Variants in MARCHF11 observed in about 807,000 individuals in gnomAD.
MARCHF11 encodes the protein E3 ubiquitin-protein ligase MARCHF11.
In MARCHF11, 29 loss-of-function variants were observed where a neutral mutation model predicts 37.3. The observed-to-expected ratio is 0.78, with a 90% CI of 0.58 to 1.06. The LOEUF (loss-of-function observed/expected upper bound fraction) is 1.06. Ranked by LOEUF, MARCHF11 falls within the 50% of genes least tolerant of loss-of-function variation. MARCHF11 has a pLI of 0.00. For missense variants in MARCHF11, 482 were observed against 533.4 expected, an observed-to-expected ratio of 0.90 and a Z score of 0.95; for synonymous variants, 233 against 228.0, an observed-to-expected ratio of 1.02 and a Z score of -0.20.
At chr5:16,074,148 C>T (rs771262140) in intron 3 of MARCHF11, among the ~76,000 whole-genome samples, 4 of 152,112 alleles carry the variant, frequency 2.6e-5, no homozygotes, top group Non-Finnish European at 4.4e-5. Context: ...TGCTCCTGAG[C>T]GATCATTGAG....
chr5:16,135,328 A>C (rs570036973), intron 2 of MARCHF11, among the ~76,000 whole-genome samples: 1 of 152,316 alleles, frequency 6.6e-6, no homozygotes, highest in Admixed American at 6.5e-5. Flanking sequence ...CAGATCTAGG[A>C]GTTAGTGGGC....
intron 3 of MARCHF11, among the ~76,000 whole-genome samples, chr5:16,085,093 C>T (rs1736673367): frequency 6.6e-6 from 1 of 152,044 alleles, no homozygotes; most frequent in Non-Finnish European, 1.5e-5. Flanking sequence ...AGGATCAATA[C>T]TTTAGCCACA....
intron 3 of MARCHF11, among the ~76,000 whole-genome samples, chr5:16,079,718 C>T (rs950092951): frequency 1.3e-5 from 2 of 152,172 alleles, no homozygotes; most frequent in Non-Finnish European, 2.9e-5. Flanking sequence ...AGTCTTTTCC[C>T]ACATTGTGCT....
At chr5:16,170,618 C>T (rs1738247926) in intron 2 of MARCHF11, among the ~76,000 whole-genome samples, 1 of 152,082 alleles carries the variant, frequency 6.6e-6, no homozygotes, top group South Asian at 2.1e-4. Flanking sequence ...ATGGTTCTTG[C>T]CACCTTACAA....
intron 2 of MARCHF11, among the ~76,000 whole-genome samples, chr5:16,165,375 A>C (rs958841776): frequency 5.9e-5 from 9 of 152,072 alleles, no homozygotes; most frequent in African/African-American, 2.2e-4. Flanking sequence ...CTATAGTCTT[A>C]TTTGTCACAA....
At chr5:16,094,660 G>A (rs1736837668) in intron 2 of MARCHF11, among the ~76,000 whole-genome samples, 2 of 152,094 alleles carry the variant, frequency 1.3e-5, no homozygotes, top group South Asian at 4.1e-4. Flanking sequence ...GAATATGTGT[G>A]ATTCTTTCAT....
At chr5:16,130,013 A>C (rs1464368486) in intron 2 of MARCHF11, among the ~76,000 whole-genome samples, 1 of 152,198 alleles carries the variant, frequency 6.6e-6, no homozygotes, top group African/African-American at 2.4e-5. Flanking sequence ...ACATTTCAAG[A>C]TAACATTTTC....
chr5:16,080,938 C>T (rs989226924), intron 3 of MARCHF11, among the ~76,000 whole-genome samples: 7 of 152,196 alleles, frequency 4.6e-5, no homozygotes, highest in Non-Finnish European at 1.0e-4. Flanking sequence ...CCGAGCTCCA[C>T]CCACAGGCTC....
intron 2 of MARCHF11, among the ~76,000 whole-genome samples, chr5:16,150,427 A>G (rs576835549): frequency 6.7e-6 from 1 of 149,582 alleles, no homozygotes; most frequent in Admixed American, 6.6e-5. Context: ...GTGGTTCTAC[A>G]GAACAGGCAG....
At chr5:16,178,365 A>G (rs1045410244) in intron 1 of MARCHF11, among the ~76,000 whole-genome samples, 4 of 152,234 alleles carry the variant, frequency 2.6e-5, no homozygotes, top group Admixed American at 1.3e-4. Context: ...TTTTAAAAAC[A>G]TTACACCTAA....
chr5:16,069,018 G>A (rs1485508049), intron 3 of MARCHF11, among the ~76,000 whole-genome samples: 3 of 152,180 alleles, frequency 2.0e-5, no homozygotes, highest in Non-Finnish European at 2.9e-5. Context: ...TGTGAACAAG[G>A]AAGTAAGTTA....
chr5:16,151,620 CTGTG>C (rs148381429), intron 2 of MARCHF11, among the ~76,000 whole-genome samples: 1 of 111,908 alleles, frequency 8.9e-6, no homozygotes. Context: ...AGGAGCATGT[CTGTG>C]TGTGTGTGTG....
At chr5:16,141,141 T>A (rs1423261612) in intron 2 of MARCHF11, 1 of 152,250 alleles carries the variant, frequency 6.6e-6, no homozygotes, top group Non-Finnish European at 1.5e-5. Flanking sequence ...GGAGCAAACC[T>A]CTAACAGCAT....
chr5:16,083,643 T>C (rs1048265966), intron 3 of MARCHF11, among the ~76,000 whole-genome samples: 1 of 152,192 alleles, frequency 6.6e-6, no homozygotes, highest in Admixed American at 6.5e-5. Context: ...GGTAAGTTTT[T>C]AACCTAAAAT....
intron 3 of MARCHF11, among the ~76,000 whole-genome samples, chr5:16,084,755 AGTT>A (rs796069190): frequency 9.3e-5 from 8 of 85,632 alleles, no homozygotes; most frequent in African/African-American, 2.3e-4. Context: ...TAGAAGGAGC[AGTT>A]TTTTTTTTTT....
At chr5:16,100,321 A>G (rs953088346) in intron 2 of MARCHF11, among the ~76,000 whole-genome samples, 6 of 152,222 alleles carry the variant, frequency 3.9e-5, no homozygotes, top group Non-Finnish European at 8.8e-5. Context: ...CTCCAGGACC[A>G]GAAGAATAAA....
chr5:16,133,649 GCA>G (rs138216081), intron 2 of MARCHF11, among the ~76,000 whole-genome samples: 26 of 149,938 alleles, frequency 1.7e-4, no homozygotes, highest in African/African-American at 5.4e-4. Flanking sequence ...ACATACACAT[GCA>G]CACACACACA....
chr5:16,133,120 C>T (rs903746469), intron 2 of MARCHF11, among the ~76,000 whole-genome samples: 3 of 151,574 alleles, frequency 2.0e-5, no homozygotes, highest in Admixed American at 1.3e-4. Context: ...AAAAAGTGGC[C>T]CCAATTATTC....
In MARCHF11 at chr5:16,179,286, G is replaced by T; in HGVS notation, c.290C>A (p.Ala97Glu). ...ACCTTCCCCGGAGTCGCCGGCCGCC[G>T]CCACTTCCTGGCCGGCGGGCTGCAG... ...LPLQPAGQEV[A>E]AAGDSGEGPR... The change falls in exon 1 of 4, where the codon GCG becomes GAG. Residue 97 changes from alanine (A) to glutamate (E), a missense_variant. Physicochemically the swap from Ala to Glu is moderately radical, Grantham distance 107 (BLOSUM62 -1). Transcript: ENST00000332432. 7 of 1,290,228 alleles carry T rather than the reference G, an allele frequency of 5.4e-6. No individual in the cohort carries two copies. The highest frequency in any genetic ancestry group is 6.9e-6 in the Non-Finnish European group (7 of 1,018,882). The allele number at this position is 1,290,228 out of a possible 1,614,324, so 79.9% of individuals were successfully genotyped here.
Sources: allele counts gnomAD v4.1 joint callset (sites outside exome capture counted in the v4.1 genomes callset), GRCh38; gene constraint gnomAD v4.1.1; transcripts MANE v1.5; gene names NCBI Gene and HGNC (gene_info 2026-07-23, HGNC 2026-07-21).